Variants in KIF16B observed in about 807,000 individuals in gnomAD.
The protein encoded by KIF16B is kinesin family member 16B.
A neutral mutation model predicts 156.3 loss-of-function variants in KIF16B; 98 were observed. The observed-to-expected ratio is 0.63, with a 90% CI of 0.53 to 0.74. The LOEUF (loss-of-function observed/expected upper bound fraction) is 0.74. Ranked by LOEUF, KIF16B falls within the 30% of genes least tolerant of loss-of-function variation. The probability of loss-of-function intolerance (pLI) is 0.00; values close to 1 mark genes in which losing one functional copy is unlikely to be tolerated. For missense variants in KIF16B, 1,421 were observed against 1,606.5 expected (o/e 0.88, Z 1.97); for synonymous variants, 564 against 583.7 (o/e 0.97, Z 0.49).
At chr20:16,401,365 A>C (rs114028123) in intron 17 of KIF16B, among the ~76,000 whole-genome samples, 1,865 of 152,288 alleles carry the variant, frequency 0.012, 35 homozygotes, top group African/African-American at 0.043. Flanking sequence ...AAGTAACTGC[A>C]GCATCCCCTG....
intron 24 of KIF16B, among the ~76,000 whole-genome samples, chr20:16,313,757 G>A (rs987580542): frequency 3.3e-5 from 5 of 152,124 alleles, no homozygotes; most frequent in East Asian, 3.8e-4. Context: ...GTTGTTATGC[G>A]TAGCAATAGT....
intron 23 of KIF16B, among the ~76,000 whole-genome samples, chr20:16,351,115 A>T (rs1224118763): frequency 6.6e-6 from 1 of 152,144 alleles, no homozygotes; most frequent in Non-Finnish European, 1.5e-5. Context: ...AAGATGAGAC[A>T]ACAAACTCTT....
chr20:16,369,220 C>G, intron 22 of KIF16B: 1 of 985,794 alleles, frequency 1.0e-6, no homozygotes, highest in Non-Finnish European at 1.2e-6. Context: ...AGTGGCATCT[C>G]TGGGCAGAAG....
At chr20:16,326,925 C>T (rs1168221078) in intron 24 of KIF16B, among the ~76,000 whole-genome samples, 1 of 150,898 alleles carries the variant, frequency 6.6e-6, no homozygotes, top group Non-Finnish European at 1.5e-5. Context: ...TGGAATCAGC[C>T]CAAATGCCCA....
At position 16,435,790 on chromosome 20, in the gene KIF16B, G is replaced by A. The variant is rs537111401; in HGVS notation, c.1303-5808C>T. Among the ~76,000 whole-genome samples the A allele has an allele frequency of 2.6e-5, 4 of 152,170 alleles. 1 individual carries two copies. Among genetic ancestry groups the A allele is most frequent in the African/African-American group, 9.6e-5 (4 of 41,554 alleles). ...TCTTAGTAATTTGATTTTCAGTGGG[G>A]TCTATTCTTTTCCTTGATATTTTCT... On this transcript the variant is annotated intron_variant, in intron 12 of 25. Transcript: ENST00000354981.
intron 12 of KIF16B, among the ~76,000 whole-genome samples, chr20:16,485,651 T>C (rs550731612): frequency 6.6e-6 from 1 of 152,338 alleles, no homozygotes; most frequent in African/African-American, 2.4e-5. Flanking sequence ...TCTGCAGTAA[T>C]GTACAGCCAC....
chr20:16,494,976 C>T (rs2068408230), intron 11 of KIF16B, among the ~76,000 whole-genome samples: 1 of 152,214 alleles, frequency 6.6e-6, no homozygotes, highest in African/African-American at 2.4e-5. Context: ...CCGCTGAACA[C>T]AGCACAGTTG....
Position 16,380,109 on chromosome 20 carries a change from C to T in KIF16B, c.1893G>A (p.Glu631=). The change falls in exon 19 of 26, where the codon GAG becomes GAA. Residue 631 remains glutamate (E), a synonymous_variant. Coordinates refer to ENST00000354981, the MANE Select transcript of KIF16B (RefSeq NM_024704.5). ...EKQKSDKAEL[E]RMQQEVETQR... ...GGGTCTCCACCTCCTGCTGCATCCG[C>T]TCCAGTTCAGCCTTGTCTGATTTCT... The T allele has an allele frequency of 1.3e-6, 2 of 1,524,872 alleles. No homozygotes were observed. Among genetic ancestry groups the T allele is most frequent in the South Asian group, 1.4e-5 (1 of 73,818 alleles). 94.5% of individuals were successfully genotyped at this position (1,524,872 alleles called of 1,614,324 possible). A position where few individuals can be genotyped will look rare whatever the true frequency, so the allele number is the denominator to read the frequency against.
intron 1 of KIF16B, among the ~76,000 whole-genome samples, chr20:16,555,192 T>C (rs1193053222): frequency 6.6e-6 from 1 of 151,434 alleles, no homozygotes; most frequent in Admixed American, 6.6e-5. Context: ...AAAATTGTAA[T>C]GTTGCATTCA....
chr20:16,450,149 C>T (rs1365951927), intron 12 of KIF16B, among the ~76,000 whole-genome samples: 2 of 152,102 alleles, frequency 1.3e-5, no homozygotes, highest in African/African-American at 4.8e-5. Flanking sequence ...AGTTTATGAG[C>T]ATTTGGTCAA....
chr20:16,329,277 T>C (rs932543621), intron 24 of KIF16B, among the ~76,000 whole-genome samples: 1 of 152,136 alleles, frequency 6.6e-6, no homozygotes, highest in Non-Finnish European at 1.5e-5. Flanking sequence ...GACTCTTGGA[T>C]TGTGACCTGG....
chr20:16,429,388 G>C (rs1433245299), intron 13 of KIF16B, among the ~76,000 whole-genome samples: 1 of 152,172 alleles, frequency 6.6e-6, no homozygotes, highest in Non-Finnish European at 1.5e-5. Flanking sequence ...ATGGGTCAGA[G>C]AGAGGGCACT....
chr20:16,435,802 C>A (rs1452584391), intron 12 of KIF16B, among the ~76,000 whole-genome samples: 1 of 152,102 alleles, frequency 6.6e-6, no homozygotes, highest in African/African-American at 2.4e-5. Context: ...CTATTCTTTT[C>A]CTTGATATTT....
At chr20:16,527,406 C>T (rs559588792) in intron 2 of KIF16B, among the ~76,000 whole-genome samples, 2 of 152,300 alleles carry the variant, frequency 1.3e-5, no homozygotes, top group South Asian at 2.1e-4. Flanking sequence ...GTACCCAATC[C>T]TTTGAGCCAT....
intron 23 of KIF16B, among the ~76,000 whole-genome samples, chr20:16,351,654 C>T (rs2064341614): frequency 6.6e-6 from 1 of 151,542 alleles, no homozygotes; most frequent in South Asian, 2.1e-4. Context: ...CTTTCCCCAC[C>T]CCATCTCTAT....
intron 12 of KIF16B, among the ~76,000 whole-genome samples, chr20:16,463,124 G>A (rs576030462): frequency 4.6e-5 from 7 of 152,228 alleles, no homozygotes; most frequent in Admixed American, 2.6e-4. Context: ...AAAACCAACC[G>A]CATCTCGCTG....
intron 25 of KIF16B, among the ~76,000 whole-genome samples, chr20:16,299,856 C>T (rs1023598621): frequency 3.3e-5 from 5 of 152,042 alleles, no homozygotes; most frequent in Non-Finnish European, 5.9e-5. Context: ...TCTTAAGTGA[C>T]CCTTGAATAA....
intron 24 of KIF16B, among the ~76,000 whole-genome samples, chr20:16,318,550 G>A (rs979241395): frequency 3.9e-5 from 6 of 151,956 alleles, no homozygotes; most frequent in Non-Finnish European, 8.8e-5. Context: ...CACAAGACGC[G>A]GTGTCTCAAA....
rs2065100956 is a variant in KIF16B at position 16,381,702 on chromosome 20, T to G, written c.1830A>C (p.Glu610Asp). 1 of 1,612,102 alleles carries G rather than the reference T, an allele frequency of 6.2e-7. No homozygotes were observed. Among genetic ancestry groups the G allele is most frequent in the African/African-American group, 1.3e-5 (1 of 74,892 alleles). Reference protein sequence around the residue: ...RQQREELEKLESKRKLIEEME... With the variant: ...RQQREELEKLDSKRKLIEEME... ...AACCCCATGTGACTTACCTTTTACT[T>G]TCTAATTTTTCAAGTTCTTCACGCT... Residue 610 changes from glutamate to aspartate, a missense_variant, in exon 18 of 26, where the codon GAA (glutamate) becomes GAC (aspartate). Glu to Asp is a conservative substitution (Grantham distance 45). Coordinates refer to ENST00000354981, the MANE Select transcript of KIF16B (RefSeq NM_024704.5).
Sources: gnomAD v4.1 joint callset for allele counts (sites outside exome capture counted in the v4.1 genomes callset) on GRCh38, gnomAD v4.1.1 for gene constraint, MANE v1.5 for transcripts, NCBI Gene and HGNC (gene_info 2026-07-23, HGNC 2026-07-21) for gene names.